The following TNRC18 variants were observed in gnomAD, a reference collection of about 807,000 sequenced individuals.
TNRC18 encodes the protein trinucleotide repeat-containing gene 18 protein.
TNRC18 carries 69 observed loss-of-function variants against 226.7 expected under a neutral mutation model. The observed-to-expected ratio is 0.30, with a 90% CI of 0.25 to 0.37. TNRC18 has a LOEUF of 0.37. Among genes scored for constraint, TNRC18 ranks in the 10% least tolerant of loss-of-function variants. The probability of loss-of-function intolerance (pLI) is 1.00; values close to 1 mark genes in which losing one functional copy is unlikely to be tolerated. For synonymous variants in TNRC18, 2,449 were observed against 1,927.6 expected (o/e 1.27, Z -7.09); for missense variants, 4,754 against 4,256.6 (o/e 1.12, Z -3.25).
chr7:5,308,086 G>A lies in TNRC18; in HGVS notation c.*20C>T. On this transcript the variant is annotated 3_prime_UTR_variant, in exon 30 of 30. Coordinates refer to ENST00000430969, the MANE Select transcript of TNRC18 (RefSeq NM_001080495.3). ...CCTGGCCGCCCTCGGGGCACAGGTG[G>A]CCCGCAGGGCCCGGCGGGCTCAGCA... 1 of 1,542,624 alleles carries A rather than the reference G, an allele frequency of 6.5e-7. No homozygotes were observed. The highest frequency in any genetic ancestry group is 2.5e-5 in the East Asian group (1 of 40,700).
chr7:5,382,291 C>T (rs1045596425), intron 5 of TNRC18, among the ~76,000 whole-genome samples: 2 of 152,214 alleles, frequency 1.3e-5, no homozygotes, highest in African/African-American at 2.4e-5. Context: ...TCTCCAGCCA[C>T]GTCACTGCCG....
Position 5,388,892 on chromosome 7 carries a change from T to C in TNRC18, c.932A>G (p.Gln311Arg), listed in dbSNP as rs1225196916. 1.6e-5 allele frequency: 22 copies of C among 1,353,224 alleles called. No homozygotes were observed. The highest frequency in any genetic ancestry group is 2.0e-5 in the Non-Finnish European group (21 of 1,048,996). 83.8% of individuals were successfully genotyped at this position (1,353,224 alleles called of 1,614,324 possible). A position where few individuals can be genotyped will look rare whatever the true frequency, so the allele number is the denominator to read the frequency against. Residue 311 changes from glutamine to arginine, a missense_variant, in exon 5 of 30, where the codon CAG (glutamine) becomes CGG (arginine). Transcript: ENST00000430969. The part of the protein sequence containing the change: ...GRGGAKEAAR[Q>R]DEGARLLRRT... ...CCGCAGCAGCCGCGCGCCCTCGTCC[T>C]GCCGGGCAGCCTCCTTGGCACCCCC...
intron 18 of TNRC18, among the ~76,000 whole-genome samples, chr7:5,338,033 G>A (rs1790297785): frequency 6.6e-6 from 1 of 152,192 alleles, no homozygotes; most frequent in South Asian, 2.1e-4. Flanking sequence ...TTTAGGGGTT[G>A]ATACCATGTG....
intron 2 of TNRC18, among the ~76,000 whole-genome samples, chr7:5,403,772 AGAGT>A (rs1417640724): frequency 5.9e-5 from 9 of 151,972 alleles, no homozygotes; most frequent in Admixed American, 5.9e-4. Context: ...CCTGGGCAAC[AGAGT>A]GAGACCCTGT....
At chr7:5,308,509 G>T (rs1393754453) in intron 29 of TNRC18, among the ~76,000 whole-genome samples, 197 bp from the exon 30 acceptor site, 1 of 152,096 alleles carries the variant, frequency 6.6e-6, no homozygotes. Flanking sequence ...GCAAATGAGA[G>T]ACAAGGATAG....
chr7:5,329,028 C>A (rs576611983), intron 19 of TNRC18, among the ~76,000 whole-genome samples: 2 of 151,934 alleles, frequency 1.3e-5, no homozygotes, highest in African/African-American at 2.4e-5. Context: ...GAAGGCCAGG[C>A]GTGGTGGCTC....
chr7:5,362,885 G>A (rs751392555), intron 11 of TNRC18, 60 bp from the exon 12 acceptor site: 94 of 1,434,656 alleles, frequency 6.6e-5, no homozygotes, highest in Admixed American at 5.6e-4. Flanking sequence ...CCCCAAACGG[G>A]GATGCCGAGG....
intron 18 of TNRC18, among the ~76,000 whole-genome samples, chr7:5,340,474 C>T (rs915792958): frequency 1.3e-5 from 2 of 152,084 alleles, no homozygotes; most frequent in Non-Finnish European, 2.9e-5. Flanking sequence ...CGGTGGCTCA[C>T]GCCTGTCATC....
chr7:5,321,725 G>A (rs1030977010), intron 21 of TNRC18, among the ~76,000 whole-genome samples: 1 of 151,730 alleles, frequency 6.6e-6, no homozygotes, highest in African/African-American at 2.4e-5. Flanking sequence ...AGGCTGGAGT[G>A]CAATGGCATG....
chr7:5,359,576 C>T lies in TNRC18; in HGVS notation c.4662-7G>A, dbSNP rs775829964. On this transcript the variant is annotated splice_region_variant and splice_polypyrimidine_tract_variant and intron_variant, in intron 14 of 29. Transcript: ENST00000430969. ...CAGAGACTTGCTGCTCAGCCTGAAA[C>T]GCAGACACACTGCCGGTCAGCACCC... 5.6e-6 allele frequency: 9 copies of T among 1,613,434 alleles called. No homozygotes were observed. The highest frequency in any genetic ancestry group is 2.2e-5 in the East Asian group (1 of 44,898).
chr7:5,390,892 G>A (rs998223552), intron 3 of TNRC18, among the ~76,000 whole-genome samples: 4 of 149,278 alleles, frequency 2.7e-5, no homozygotes, highest in Non-Finnish European at 5.9e-5. Flanking sequence ...AGCGGGGCCC[G>A]ATAACAGCCT....
chr7:5,371,625 C>CT (rs1205907756), intron 10 of TNRC18, among the ~76,000 whole-genome samples: 1 of 152,206 alleles, frequency 6.6e-6, no homozygotes, highest in East Asian at 1.9e-4. Context: ...TCTCTTGTTC[C>CT]TTTCCCACTC....
At chr7:5,354,811 A>C (rs77691567) in intron 16 of TNRC18, among the ~76,000 whole-genome samples, 17,922 of 152,202 alleles carry the variant, frequency 0.12, 1,118 homozygotes, top group South Asian at 0.14. Flanking sequence ...TGCCCACGTA[A>C]GCTCACTTAA....
chr7:5,320,274 G>A (rs1788212819), intron 24 of TNRC18, 44 bp downstream of exon 24: 1 of 1,466,432 alleles, frequency 6.8e-7, no homozygotes, highest in African/African-American at 1.4e-5. Flanking sequence ...AGTCCATACT[G>A]AGATGTTAGG....
In TNRC18 at chr7:5,388,466, G is replaced by A. The variant is rs1189201548; in HGVS notation, c.1358C>T (p.Ser453Phe). The change falls in exon 5 of 30, where the codon TCC (serine) becomes TTC (phenylalanine). Residue 453 changes from serine (S) to phenylalanine (F), a missense_variant. Ser to Phe is a radical substitution (Grantham distance 155). Transcript: ENST00000430969. ...DAPTVRATRASPDPRAYVPAK... is the reference protein window; with the variant it reads ...DAPTVRATRAFPDPRAYVPAK... ...AGGCACGTAGGCGCGGGGGTCCGGG[G>A]AGGCGCGTGTGGCCCGCACCGTGGG... 1.4e-6 allele frequency: 2 copies of A among 1,433,054 alleles called. No homozygotes were observed. Among genetic ancestry groups the A allele is most frequent in the Non-Finnish European group, 1.8e-6 (2 of 1,105,578 alleles). 88.8% of individuals were successfully genotyped at this position (1,433,054 alleles called of 1,614,324 possible).
chr7:5,307,593 ACAGT>A lies in TNRC18; in HGVS notation c.*509_*512del, dbSNP rs745961749. 1.8e-5 allele frequency: 8 copies of A among 446,082 alleles called. No homozygotes were observed. The highest frequency in any genetic ancestry group is 7.2e-5 in the East Asian group (1 of 13,818). 27.6% of individuals were successfully genotyped at this position (446,082 alleles called of 1,614,324 possible). A position where few individuals can be genotyped will look rare whatever the true frequency, so the allele number is the denominator to read the frequency against. ...AGAGGGTGGGGGCAGGGCCCCTGGC[ACAGT>A]CAGGTAGGCCAGCTGGCATCGGGCT... On this transcript the variant is annotated 3_prime_UTR_variant, in exon 30 of 30. Transcript: ENST00000430969.
chr7:5,368,751 A>G (rs559248157), intron 11 of TNRC18, among the ~76,000 whole-genome samples: 1 of 152,114 alleles, frequency 6.6e-6, no homozygotes. Context: ...TAATTTGAGA[A>G]GTAAATATGT....
chr7:5,322,223 A>G (rs1388918166), intron 21 of TNRC18, among the ~76,000 whole-genome samples: 2 of 151,930 alleles, frequency 1.3e-5, no homozygotes, highest in African/African-American at 4.8e-5. Flanking sequence ...GGCTGCAGTG[A>G]GCCGAGATCA....
chr7:5,384,639 G>A (rs1005897206), intron 5 of TNRC18, among the ~76,000 whole-genome samples: 2 of 152,136 alleles, frequency 1.3e-5, no homozygotes, highest in African/African-American at 4.8e-5. Context: ...CCATGTGACG[G>A]GAGGATCCTT....
Sources: gnomAD v4.1 joint callset for allele counts (sites outside exome capture counted in the v4.1 genomes callset) on GRCh38, gnomAD v4.1.1 for gene constraint, MANE v1.5 for transcripts, NCBI Gene and HGNC (gene_info 2026-07-23, HGNC 2026-07-21) for gene names.